The following ALX3 variants were observed in gnomAD, a reference collection of about 807,000 sequenced individuals.
ALX3 encodes the protein homeobox protein aristaless-like 3.
ALX3 carries 17 observed loss-of-function variants against 26.3 expected under a neutral mutation model. The ratio of observed to expected loss-of-function variants is 0.65; its 90% confidence interval spans 0.44 to 0.97. The LOEUF is 0.97. Among genes scored for constraint, ALX3 ranks in the 50% least tolerant of loss-of-function variants. ALX3 has a pLI of 0.00. For synonymous variants in ALX3, 208 were observed against 201.4 expected (o/e 1.03, Z -0.28); for missense variants, 461 against 466.5 (o/e 0.99, Z 0.11).
Position 110,060,737 on chromosome 1 carries a change from G to T in ALX3, c.1028C>A (p.Thr343Lys), listed in dbSNP as rs776967754. The T allele has an allele frequency of 6.8e-7, 1 of 1,478,152 alleles. No homozygotes were observed. The highest frequency in any genetic ancestry group is 9.0e-7 in the Non-Finnish European group (1 of 1,110,900). 91.6% of individuals were successfully genotyped at this position (1,478,152 alleles called of 1,614,324 possible). ...KEPPGLLNWT[T>K] ...TCTGCAGGTCCATGCAACCGATCAC[G>T]TGGTCCAGTTCAGAAGGCCGGGTGG... is the stretch of plus-strand genomic sequence containing the variant. Residue 343 changes from threonine (T) to lysine (K), a missense_variant, in exon 4 of 4, where the codon ACG becomes AAG. Physicochemically the swap from Thr to Lys is moderately conservative, Grantham distance 78. Transcript: ENST00000647563.
In ALX3 at chr1:110,060,844, C is replaced by G. The variant is rs750268853; in HGVS notation, c.921G>C (p.Leu307=). Residue 307 remains leucine (L), a synonymous_variant, in exon 4 of 4, where the codon CTG becomes CTC. Coordinates refer to ENST00000647563, the MANE Select transcript of ALX3 (RefSeq NM_006492.3). ...AGGAAGGCTCAAAGCTGTGGCCCCC[C>G]AGGGTGGGGGGAAAGCCATGGATGG... ...IYSIHGFPPT[L]GGHSFEPSSD... 4 of 1,614,002 alleles carry G rather than the reference C, an allele frequency of 2.5e-6. No homozygotes were observed. Among genetic ancestry groups the G allele is most frequent in the Non-Finnish European group, 3.4e-6 (4 of 1,179,992 alleles).
chr1:110,060,291 ACT>A lies in ALX3; in HGVS notation c.*440_*441del, dbSNP rs1303112632. On this transcript the variant is annotated 3_prime_UTR_variant, in exon 4 of 4. Coordinates refer to ENST00000647563, the MANE Select transcript of ALX3 (RefSeq NM_006492.3). ...CTGGTGGGGAGGGGAAGCAGGGCTGACTCCACCCCATCATGGGAGACTCCCTT... is the reference window on the plus strand; with the variant it reads ...CTGGTGGGGAGGGGAAGCAGGGCTGACCACCCCATCATGGGAGACTCCCTT... The A allele has an allele frequency of 1.3e-5, 2 of 152,724 alleles. No homozygotes were observed. The highest frequency in any genetic ancestry group is 1.9e-4 in the East Asian group (1 of 5,172). The allele number at this position is 152,724 out of a possible 1,614,324, so 9.5% of individuals were successfully genotyped here. A position where few individuals can be genotyped will look rare whatever the true frequency, so the allele number is the denominator to read the frequency against.
Position 110,064,849 on chromosome 1 carries a change from C to T in ALX3, c.332G>A (p.Arg111Gln), listed in dbSNP as rs772380963. 1.6e-5 allele frequency: 26 copies of T among 1,613,154 alleles called. No individual in the cohort carries two copies. The highest frequency in any genetic ancestry group is 8.3e-5 in the Admixed American group (5 of 59,920). The stretch of plus-strand genomic sequence containing the variant: ...AGAGGGCCCGTCTCTGGGGCCCCCT[C>T]GGCAGTCCAAGGGCAGCTGGGGGAA... ...ASFPQLPLDC[R>Q]GGPRDGPSNL... Residue 111 changes from arginine (R) to glutamine (Q), a missense_variant, in exon 2 of 4, where the codon CGA becomes CAA. Around this residue, in one of 3 missense-constraint regions of ALX3, gnomAD observed 241 missense variants for 206.1 expected, o/e 1.17. Transcript: ENST00000647563.
intron 1 of ALX3, among the ~76,000 whole-genome samples, chr1:110,067,726 A>G (rs986180114): frequency 6.6e-6 from 1 of 152,226 alleles, no homozygotes; most frequent in African/African-American, 2.4e-5. Context: ...TGGGGTCACT[A>G]AGCGACCTGC....
chr1:110,067,281 G>T (rs1038641350), intron 1 of ALX3, among the ~76,000 whole-genome samples: 3 of 152,222 alleles, frequency 2.0e-5, no homozygotes, highest in Non-Finnish European at 2.9e-5. Context: ...TGAGCACGGG[G>T]CACATCTGAG....
At chr1:110,064,536 TC>T (rs769158888) in intron 2 of ALX3, 50 bp downstream of exon 2, 1 of 1,603,334 alleles carries the variant, frequency 6.2e-7, no homozygotes, top group South Asian at 1.1e-5. Context: ...CACTTTCTGG[TC>T]ACTGTGTGAT....
At position 110,064,599 on chromosome 1, in the gene ALX3, C is replaced by G. The variant is rs771876784; in HGVS notation, c.582G>C (p.Glu194Asp). ...EQLALRTDLT[E>D]ARVQVWFQNR... ...GCAGTGCCCTCACCTGTACCCGGGC[C>G]TCAGTCAGGTCTGTGCGCAGGGCCA... The change falls in exon 2 of 4, where the codon GAG becomes GAC. Residue 194 changes from glutamate (E) to aspartate (D), a missense_variant. By Grantham distance (45) the Glu-to-Asp change is conservative. This residue lies in a region of ALX3 where 51 missense variants were observed against 82.4 expected (regional missense o/e 0.62). Coordinates refer to ENST00000647563, the MANE Select transcript of ALX3 (RefSeq NM_006492.3). The G allele has an allele frequency of 6.2e-7, 1 of 1,614,102 alleles. No homozygotes were observed. The highest frequency in any genetic ancestry group is 1.1e-5 in the South Asian group (1 of 91,090).
In ALX3 at chr1:110,059,929, C is replaced by CGAGAA. The variant is rs1653586425; in HGVS notation, c.*803_*804insTTCTC. The CGAGAA allele has an allele frequency of 6.6e-6, 1 of 150,810 alleles. No homozygotes were observed. Among genetic ancestry groups the CGAGAA allele is most frequent in the Non-Finnish European group, 1.5e-5 (1 of 67,870 alleles). 9.3% of individuals were successfully genotyped at this position (150,810 alleles called of 1,614,324 possible). A position where few individuals can be genotyped will look rare whatever the true frequency, so the allele number is the denominator to read the frequency against. On this transcript the variant is annotated 3_prime_UTR_variant, in exon 4 of 4. Coordinates refer to ENST00000647563, the MANE Select transcript of ALX3 (RefSeq NM_006492.3). ...GGCAGCCTTTTTTTTCTCTCTCTCT[C>CGAGAA]CTTTTTTTTTTTTTTAAACAAAAAA...
chr1:110,061,111 T>TCTCTTTGTCCTTGGGGCCCC (rs1653630091), intron 3 of ALX3, 70 bp from the exon 4 acceptor site: 1 of 1,525,676 alleles, frequency 6.6e-7, no homozygotes, highest in East Asian at 2.4e-5. Context: ...CCAGGGGCTT[T>TCTCTTTGTCCTTGGGGCCCC]CTCTTTGTCC....
At chr1:110,066,134 C>A (rs1220227277) in intron 1 of ALX3, among the ~76,000 whole-genome samples, 1 of 152,206 alleles carries the variant, frequency 6.6e-6, no homozygotes, top group Non-Finnish European at 1.5e-5. Context: ...GAGGATGGGA[C>A]TGGACAAATG....
At chr1:110,069,872 TAGGTTG>T (rs765087865) in intron 1 of ALX3, among the ~76,000 whole-genome samples, 26 of 151,924 alleles carry the variant, frequency 1.7e-4, no homozygotes, top group Non-Finnish European at 2.9e-4. Flanking sequence ...TTGACCACTC[TAGGTTG>T]AGGCCCAGCC....
At chr1:110,062,682 T>A (rs1653684061) in intron 2 of ALX3, 1 of 148,154 alleles carries the variant, frequency 6.7e-6, no homozygotes, top group African/African-American at 2.5e-5. Flanking sequence ...TCAGGCTTCC[T>A]GCCCCCATGG....
In ALX3 at chr1:110,060,677, GCGACT is replaced by G; in HGVS notation, c.*51_*55del. 7.1e-6 allele frequency: 11 copies of G among 1,542,916 alleles called. No individual in the cohort carries two copies. Among genetic ancestry groups the G allele is most frequent in the Non-Finnish European group, 9.6e-6 (11 of 1,140,196 alleles). On this transcript the variant is annotated 3_prime_UTR_variant, in exon 4 of 4. Transcript: ENST00000647563. ...GCTTGGAGGCAGAGGTGGGCTGGGA[GCGACT>G]GGGAATGGAAAAAGAGGTGGGCAGC...
At chr1:110,061,128 C>T in intron 3 of ALX3, 87 bp from the exon 4 acceptor site, 1 of 1,452,148 alleles carries the variant, frequency 6.9e-7, no homozygotes, top group Non-Finnish European at 9.4e-7. Context: ...GTCCTTGGGG[C>T]CCCAGAAACT....
At position 110,061,420 on chromosome 1, in the gene ALX3, G is replaced by A; in HGVS notation, c.723+15C>T. The A allele has an allele frequency of 6.2e-7, 1 of 1,614,222 alleles. No individual in the cohort carries two copies. Among genetic ancestry groups the A allele is most frequent in the Non-Finnish European group, 8.5e-7 (1 of 1,180,036 alleles). On this transcript the variant is annotated intron_variant, in intron 3 of 3. Transcript: ENST00000647563. ...ACCCTGCCAGGTCCTGGTTCAGGTA[G>A]GGCTGGGGTCTTACCTGAGGGTGGC...
chr1:110,060,718 G>A lies in ALX3; in HGVS notation c.*15C>T. 2 of 1,583,794 alleles carry A rather than the reference G, an allele frequency of 1.3e-6. No individual in the cohort carries two copies. The highest frequency in any genetic ancestry group is 1.7e-6 in the Non-Finnish European group (2 of 1,162,928). On this transcript the variant is annotated 3_prime_UTR_variant, in exon 4 of 4. Coordinates refer to ENST00000647563, the MANE Select transcript of ALX3 (RefSeq NM_006492.3). ...AAAGAGGTGGGCAGCTCATTCTGCA[G>A]GTCCATGCAACCGATCACGTGGTCC...
intron 2 of ALX3, 22 bp from the exon 3 acceptor site, chr1:110,061,585 T>A: frequency 6.2e-7 from 1 of 1,613,708 alleles, no homozygotes. Flanking sequence ...TTGTGGGGGT[T>A]TGAGGGGGTG....
At chr1:110,065,215 C>T (rs1224089783) in intron 1 of ALX3, among the ~76,000 whole-genome samples, 1 of 152,122 alleles carries the variant, frequency 6.6e-6, no homozygotes, top group Non-Finnish European at 1.5e-5. Flanking sequence ...AGAGGACTGG[C>T]GCCACAGCAG....
Position 110,070,576 on chromosome 1 carries a change from G to A in ALX3, c.37C>T (p.Pro13Ser). Residue 13 changes from proline (P) to serine (S), a missense_variant, in exon 1 of 4, where the codon CCT (proline) becomes TCT (serine). Pro to Ser is a moderately conservative substitution (Grantham distance 74). Transcript: ENST00000647563. The stretch of plus-strand genomic sequence containing the variant: ...GAGGCCACATAGGGGCCGGGTGCAG[G>A]CCCCACGCGGAAAGGCGCGCAGTGC... ...PEHCAPFRVG[P>S]APGPYVASGD... 3 of 1,300,344 alleles carry A rather than the reference G, an allele frequency of 2.3e-6. No individual in the cohort carries two copies. In the South Asian group the frequency reaches 6.5e-5, roughly 28 times the overall value. The allele number at this position is 1,300,344 out of a possible 1,614,324, so 80.6% of individuals were successfully genotyped here.
Sources: gnomAD v4.1 joint callset for allele counts (sites outside exome capture counted in the v4.1 genomes callset) on GRCh38, gnomAD v4.1.1 for gene constraint, gnomAD v4.1.1 regional missense constraint, MANE v1.5 for transcripts, NCBI Gene and HGNC (gene_info 2026-07-23, HGNC 2026-07-21) for gene names.